Variants in FGF10 observed in about 807,000 individuals in gnomAD.
FGF10 encodes FGF-10.
In FGF10, 2 loss-of-function variants were observed where a neutral mutation model predicts 19.8. The observed-to-expected ratio is 0.10, with a 90% CI of 0.04 to 0.32. The LOEUF (loss-of-function observed/expected upper bound fraction) is 0.32, where lower values mean the gene tolerates loss of function less well. FGF10 is among the 10% of genes least tolerant of loss of function. FGF10 has a pLI of 1.00. For missense variants in FGF10, 191 were observed against 246.3 expected, an observed-to-expected ratio of 0.78 and a Z score of 1.50; for synonymous variants, 112 against 94.0, an observed-to-expected ratio of 1.19 and a Z score of -1.10.
rs112831516 is a variant in FGF10 at position 44,372,518 on chromosome 5, G to A, written c.325+15840C>T. Among the ~76,000 whole-genome samples the A allele has an allele frequency of 5.3e-5, 8 of 152,152 alleles. 1 individual carries two copies. Among genetic ancestry groups the A allele is most frequent in the South Asian group, 2.1e-4 (1 of 4,820 alleles). ...GATTACAGCCTGATATTTTTGGGTG[G>A]CCATTATTCAGCCTTCTGTATCCTA... On this transcript the variant is annotated intron_variant, in intron 1 of 2. Transcript: ENST00000264664.
At chr5:44,306,224 C>T (rs757615724) in intron 2 of FGF10, among the ~76,000 whole-genome samples, 17 of 151,956 alleles carry the variant, frequency 1.1e-4, no homozygotes, top group Non-Finnish European at 2.4e-4. Flanking sequence ...GGTGAAACCC[C>T]GTCTATACTA....
intron 1 of FGF10, among the ~76,000 whole-genome samples, chr5:44,331,452 T>C (rs1740734416): frequency 6.6e-6 from 1 of 152,210 alleles, no homozygotes. Flanking sequence ...ACTGGAAATG[T>C]GACTGTGCCT....
intron 1 of FGF10, among the ~76,000 whole-genome samples, chr5:44,363,611 T>A (rs1009003237): frequency 2.1e-4 from 32 of 151,960 alleles, no homozygotes; most frequent in Admixed American, 2.1e-3. Flanking sequence ...AGGGCAAAAA[T>A]AGAGCATGAA....
chr5:44,381,676 T>C (rs1320142246), intron 1 of FGF10, among the ~76,000 whole-genome samples: 1 of 152,156 alleles, frequency 6.6e-6, no homozygotes, highest in Non-Finnish European at 1.5e-5. Flanking sequence ...GCAAAAAAGG[T>C]TAAGGATGAA....
chr5:44,357,153 CATG>C (rs1741367619), intron 1 of FGF10, among the ~76,000 whole-genome samples: 1 of 151,150 alleles, frequency 6.6e-6, no homozygotes, highest in Non-Finnish European at 1.5e-5. Flanking sequence ...AATTTCGAAA[CATG>C]ATGAGTTATT....
At chr5:44,311,880 G>A in intron 1 of FGF10, among the ~76,000 whole-genome samples, 1 of 152,062 alleles carries the variant, frequency 6.6e-6, no homozygotes, top group East Asian at 1.9e-4. Context: ...GAGTGGCTTA[G>A]CTTATTCTCG....
At chr5:44,325,495 A>ACGCAAATGTCCAGTC (rs1740593034) in intron 1 of FGF10, among the ~76,000 whole-genome samples, 1 of 152,274 alleles carries the variant, frequency 6.6e-6, no homozygotes, top group East Asian at 1.9e-4. Context: ...CAAATGTCCA[A>ACGCAAATGTCCAGTC]CAATGATAGA....
chr5:44,330,667 C>G (rs1202630099), intron 1 of FGF10, among the ~76,000 whole-genome samples: 1 of 152,086 alleles, frequency 6.6e-6, no homozygotes, highest in Non-Finnish European at 1.5e-5. Context: ...CCTAAAATAA[C>G]TGTGTATGTA....
chr5:44,338,542 C>T (rs939357789), intron 1 of FGF10, among the ~76,000 whole-genome samples: 1 of 152,160 alleles, frequency 6.6e-6, no homozygotes, highest in East Asian at 1.9e-4. Context: ...ACAAAAGCAT[C>T]CGTCCAGCAT....
At chr5:44,332,832 G>T (rs1740767666) in intron 1 of FGF10, among the ~76,000 whole-genome samples, 1 of 151,966 alleles carries the variant, frequency 6.6e-6, no homozygotes, top group Non-Finnish European at 1.5e-5. Flanking sequence ...AAGATGCAGA[G>T]GAAGAAAAAG....
intron 1 of FGF10, among the ~76,000 whole-genome samples, chr5:44,378,079 A>G (rs1741906072): frequency 6.6e-6 from 1 of 152,042 alleles, no homozygotes; most frequent in South Asian, 2.1e-4. Context: ...TGAAAAAATC[A>G]TGTGTTGGGG....
At chr5:44,307,987 T>C (rs1240237023) in intron 2 of FGF10, among the ~76,000 whole-genome samples, 1 of 152,222 alleles carries the variant, frequency 6.6e-6, no homozygotes, top group Non-Finnish European at 1.5e-5. Flanking sequence ...CTGTGCTCTG[T>C]ATGGTTCTAA....
chr5:44,377,900 A>G (rs28660374), intron 1 of FGF10, among the ~76,000 whole-genome samples: 2,049 of 152,332 alleles, frequency 0.013, 56 homozygotes, highest in African/African-American at 0.047. Context: ...GAACCATCAG[A>G]AAGCAAAGAT....
intron 1 of FGF10, among the ~76,000 whole-genome samples, chr5:44,358,951 T>A (rs1741413766): frequency 6.6e-6 from 1 of 151,528 alleles, no homozygotes; most frequent in African/African-American, 2.4e-5. Flanking sequence ...AATCTCAGAA[T>A]AACATTCTCC....
At position 44,373,285 on chromosome 5, in the gene FGF10, G is replaced by T. The variant is rs527997208; in HGVS notation, c.325+15073C>A. On this transcript the variant is annotated intron_variant, in intron 1 of 2. Transcript: ENST00000264664. ...ATTTCTTCAGCACTATCATAAGGTT[G>T]TCTAGTCGTACCCTTAGCCTTCTCT... 3.9e-5 allele frequency among the ~76,000 whole-genome samples: 6 copies of T among 152,248 alleles called. No individual in the cohort carries two copies. In the South Asian group the frequency reaches 1.0e-3, roughly 26 times the overall value.
rs192114111 is a variant in FGF10, at chr5:44,347,984, C to A, written c.326-37454G>T. Among the ~76,000 whole-genome samples, 51 of 151,858 alleles carry A rather than the reference C, an allele frequency of 3.4e-4. 1 individual carries two copies. The Middle Eastern group carries it at 0.01, about 30-fold the overall frequency. Reference sequence around the variant, plus strand: ...AAGGTCAGTATAGGAGTCTTACACACAATCCCTCTGGAATATGTCTTTTCC... The same window carrying A: ...AAGGTCAGTATAGGAGTCTTACACAAAATCCCTCTGGAATATGTCTTTTCC... On this transcript the variant is annotated intron_variant, in intron 1 of 2. Transcript: ENST00000264664.
intron 1 of FGF10, among the ~76,000 whole-genome samples, chr5:44,371,616 G>C (rs1741743642): frequency 6.6e-6 from 1 of 152,090 alleles, no homozygotes; most frequent in Admixed American, 6.6e-5. Context: ...GGAAAAACAG[G>C]CTACTTTTAT....
intron 1 of FGF10, among the ~76,000 whole-genome samples, chr5:44,373,607 C>T (rs17227585): frequency 0.013 from 2,002 of 152,110 alleles, 85 homozygotes; most frequent in East Asian, 0.12. Flanking sequence ...AAAGGATTGC[C>T]TTTCTTCTAG....
At chr5:44,368,918 T>C (rs1429761579) in intron 1 of FGF10, among the ~76,000 whole-genome samples, 1 of 152,122 alleles carries the variant, frequency 6.6e-6, no homozygotes, top group African/African-American at 2.4e-5. Flanking sequence ...TCCTCCTGCT[T>C]TGGTCTTCCA....
Sources: allele counts gnomAD v4.1 joint callset (sites outside exome capture counted in the v4.1 genomes callset), GRCh38; gene constraint gnomAD v4.1.1; transcripts MANE v1.5; gene names NCBI Gene and HGNC (gene_info 2026-07-23, HGNC 2026-07-21).